The following WDR37 variants were observed in gnomAD, a reference collection of about 807,000 sequenced individuals.
WDR37 encodes the protein WD repeat domain 37, also known as WD repeat-containing protein 37.
A neutral mutation model predicts 62.9 loss-of-function variants in WDR37; 19 were observed. That is an observed-to-expected ratio of 0.30 (90% confidence interval 0.21 to 0.44). The LOEUF (loss-of-function observed/expected upper bound fraction) is 0.44. WDR37 is among the 20% of genes least tolerant of loss of function. WDR37 has a pLI of 1.00. For missense variants in WDR37, 474 were observed against 657.6 expected (o/e 0.72, Z 3.05); for synonymous variants, 250 against 260.9 (o/e 0.96, Z 0.40).
In WDR37 at chr10:1,056,874, C is replaced by G. The variant is rs1833193141; in HGVS notation, c.-135C>G. On this transcript the variant is annotated 5_prime_UTR_variant, in exon 1 of 14. Coordinates refer to ENST00000263150, the MANE Select transcript of WDR37 (RefSeq NM_014023.4). Reference sequence around the variant, plus strand: ...GCGGAGACAGCGGTGTCCTGCGCGTCTTCGGGTCAGTACGGGGGGCCGCGT... The same window carrying G: ...GCGGAGACAGCGGTGTCCTGCGCGTGTTCGGGTCAGTACGGGGGGCCGCGT... The G allele has an allele frequency of 6.6e-6, 1 of 152,312 alleles. No individual in the cohort carries two copies. Among genetic ancestry groups the G allele is most frequent in the African/African-American group, 2.4e-5 (1 of 41,456 alleles). 9.4% of individuals were successfully genotyped at this position (152,312 alleles called of 1,614,324 possible).
At position 1,121,032 on chromosome 10, in the gene WDR37, T is replaced by A. The variant is rs562949781; in HGVS notation, c.1104-3186T>A. On this transcript the variant is annotated intron_variant, in intron 11 of 13. Coordinates refer to ENST00000263150, the MANE Select transcript of WDR37 (RefSeq NM_014023.4). This position sits in a 1 kb window ranked among gnomAD's most constrained non-coding sequence, Gnocchi z 4.5. ...CGGCTGCCCCACACGACAAGATAAATGAGTTTGCCGGAGTTTGGCAGCGTC... is the reference window on the plus strand; with the variant it reads ...CGGCTGCCCCACACGACAAGATAAAAGAGTTTGCCGGAGTTTGGCAGCGTC... Among the ~76,000 whole-genome samples, 2 of 152,278 alleles carry A rather than the reference T, an allele frequency of 1.3e-5. No homozygotes were observed. Among genetic ancestry groups the A allele is most frequent in the South Asian group, 4.1e-4 (2 of 4,830 alleles).
chr10:1,066,326 T>C (rs7079564), intron 1 of WDR37, among the ~76,000 whole-genome samples: 74,933 of 152,002 alleles, frequency 0.49, 18,866 homozygotes, highest in Non-Finnish European at 0.52. Flanking sequence ...CCGTGTTAGC[T>C]AGGATGGTCT....
intron 13 of WDR37, among the ~76,000 whole-genome samples, chr10:1,126,280 T>C (rs181882603): frequency 0.032 from 4,839 of 151,404 alleles, 106 homozygotes; most frequent in South Asian, 0.076. Flanking sequence ...GTGGCGGGCG[T>C]CTGTAGTCCC....
chr10:1,126,345 G>T (rs991995535), intron 13 of WDR37, among the ~76,000 whole-genome samples: 5 of 150,858 alleles, frequency 3.3e-5, no homozygotes, highest in Admixed American at 2.6e-4. Context: ...GGCGGAGCTT[G>T]CAGTGAGCTG....
In WDR37 at chr10:1,080,090, C is replaced by T. The variant is rs1833983855; in HGVS notation, c.315C>T (p.Gly105=). The change falls in exon 4 of 14, where the codon GGC becomes GGT. Residue 105 remains glycine, a synonymous_variant. Coordinates refer to ENST00000263150, the MANE Select transcript of WDR37 (RefSeq NM_014023.4). ...QAIDGAELSK[G]QLKTKASHST... ...TTGATGGAGCAGAGCTGAGTAAGGG[C>T]CAACTCAAAACAAAAGGTAAGGTGA... 1.9e-6 allele frequency: 3 copies of T among 1,613,952 alleles called. No individual in the cohort carries two copies. The highest frequency in any genetic ancestry group is 1.7e-5 in the Admixed American group (1 of 59,996).
chr10:1,058,797 C>T (rs1355590215), intron 1 of WDR37, among the ~76,000 whole-genome samples: 4 of 152,194 alleles, frequency 2.6e-5, no homozygotes, highest in African/African-American at 9.6e-5. Context: ...ACTAGGAATT[C>T]GTCTAACAGT....
chr10:1,095,499 G>A (rs1165045937), intron 8 of WDR37, among the ~76,000 whole-genome samples: 1 of 152,136 alleles, frequency 6.6e-6, no homozygotes, highest in Admixed American at 6.5e-5. Flanking sequence ...ACATTCATTT[G>A]CATCAAATGT....
intron 6 of WDR37, 94 bp from the exon 7 acceptor site, chr10:1,086,192 T>C (rs7914308): frequency 0.048 from 47,375 of 983,804 alleles, 2,680 homozygotes; most frequent in African/African-American, 0.26. Flanking sequence ...GGTCGTGTAA[T>C]TTCCCATTTT....
chr10:1,060,523 CAAT>C (rs200503953), intron 1 of WDR37, among the ~76,000 whole-genome samples: 2,105 of 152,160 alleles, frequency 0.014, 53 homozygotes, highest in African/African-American at 0.048. Flanking sequence ...GTAATCTGTC[CAAT>C]AATATTGGGT....
intron 5 of WDR37, among the ~76,000 whole-genome samples, chr10:1,083,355 G>A (rs931210165): frequency 2.0e-5 from 3 of 152,174 alleles, no homozygotes; most frequent in Non-Finnish European, 2.9e-5. Flanking sequence ...CACTGTATCC[G>A]AGGAGAATAA....
intron 2 of WDR37, among the ~76,000 whole-genome samples, chr10:1,075,865 T>A (rs139048109): frequency 6.6e-6 from 1 of 151,420 alleles, no homozygotes; most frequent in Non-Finnish European, 1.5e-5. Context: ...CTGCAACCTC[T>A]ACCTCCTGGG....
intron 9 of WDR37, among the ~76,000 whole-genome samples, chr10:1,100,826 C>T (rs1834769039): frequency 1.3e-5 from 2 of 152,196 alleles, no homozygotes; most frequent in Non-Finnish European, 1.5e-5. Context: ...CACCCATCAC[C>T]CCCTGCCTTC....
rs1272298974 is a variant in WDR37 at position 1,072,188 on chromosome 10, T to G, written c.33T>G (p.Ala11=). MPTESASCST[A]RQTKQKRKSH... ...CAGAAAGCGCAAGTTGTTCGACTGC[T>G]CGCCAAACAAAACAGAAGCGCAAAT... is the stretch of plus-strand genomic sequence containing the variant. The change falls in exon 2 of 14, where the codon GCT becomes GCG. Residue 11 remains alanine (A), a synonymous_variant. Coordinates refer to ENST00000263150, the MANE Select transcript of WDR37 (RefSeq NM_014023.4). 1.2e-6 allele frequency: 2 copies of G among 1,614,016 alleles called. No homozygotes were observed. Among genetic ancestry groups the G allele is most frequent in the African/African-American group, 2.7e-5 (2 of 74,894 alleles).
At chr10:1,095,487 G>T (rs1447786725) in intron 8 of WDR37, among the ~76,000 whole-genome samples, 1 of 152,168 alleles carries the variant, frequency 6.6e-6, no homozygotes, top group Non-Finnish European at 1.5e-5. Context: ...AGTCCGGGCA[G>T]TACATTCATT....
chr10:1,101,683 A>G (rs1340355400), intron 9 of WDR37, among the ~76,000 whole-genome samples: 1 of 152,112 alleles, frequency 6.6e-6, no homozygotes, highest in East Asian at 1.9e-4. Context: ...TGTCCTTTCC[A>G]GTCTCCCGGG....
chr10:1,122,400 G>C (rs1185580362), intron 11 of WDR37, among the ~76,000 whole-genome samples: 1 of 152,128 alleles, frequency 6.6e-6, no homozygotes, highest in African/African-American at 2.4e-5. Flanking sequence ...GACAGTGTAG[G>C]GGTCAAGCCT....
At chr10:1,062,267 G>A (rs954258620) in intron 1 of WDR37, among the ~76,000 whole-genome samples, 4 of 152,194 alleles carry the variant, frequency 2.6e-5, no homozygotes, top group East Asian at 1.9e-4. Flanking sequence ...GTGAAGTGGC[G>A]AAGAAAGCAA....
rs1298985766 is a variant in WDR37 at position 1,126,632 on chromosome 10, C to T, written c.1353+1608C>T. 2.0e-5 allele frequency among the ~76,000 whole-genome samples: 3 copies of T among 152,222 alleles called. No homozygotes were observed. The East Asian group carries it at 5.8e-4, about 29-fold the overall frequency. On this transcript the variant is annotated intron_variant, in intron 13 of 13. Transcript: ENST00000263150. ...GGTGGCCCCCTCAGTGCCTCTGTGG[C>T]TCCTTCTGTGGACACCAGCTCATGG...
chr10:1,124,635 G>A (rs1589125992), intron 12 of WDR37, among the ~76,000 whole-genome samples: 1 of 150,720 alleles, frequency 6.6e-6, no homozygotes, highest in East Asian at 2.0e-4. Flanking sequence ...GTGTCTGGGT[G>A]GGTCTGGTTC....
Sources: allele counts gnomAD v4.1 joint callset (sites outside exome capture counted in the v4.1 genomes callset), GRCh38; gene constraint gnomAD v4.1.1; non-coding constraint Gnocchi (gnomAD v3.1); transcripts MANE v1.5; gene names NCBI Gene and HGNC (gene_info 2026-07-23, HGNC 2026-07-21).